SLC44A2: variants seen among roughly 807,000 people sequenced by gnomAD.
The protein encoded by SLC44A2 is choline transporter-like protein 2.
A neutral mutation model predicts 90.8 loss-of-function variants in SLC44A2; 57 were observed. That is an observed-to-expected ratio of 0.63 (90% confidence interval 0.51 to 0.78). SLC44A2 has a LOEUF of 0.78. SLC44A2 is among the 30% of genes least tolerant of loss of function. The pLI is 0.00. For synonymous variants in SLC44A2, 355 were observed against 360.7 expected (o/e 0.98, Z 0.18); for missense variants, 794 against 919.7 (o/e 0.86, Z 1.77).
intron 1 of SLC44A2, among the ~76,000 whole-genome samples, chr19:10,618,420 C>G (rs1019811716): frequency 3.3e-5 from 5 of 149,458 alleles, no homozygotes; most frequent in African/African-American, 9.9e-5. Flanking sequence ...GTGATCTCCC[C>G]GCCTTCGCCT....
chr19:10,643,622 A>C lies in SLC44A2; in HGVS notation c.*237A>C. On this transcript the variant is annotated 3_prime_UTR_variant, in exon 22 of 22. Coordinates refer to ENST00000335757, the MANE Select transcript of SLC44A2 (RefSeq NM_020428.4). ...TCCAGACTGCGAGAAACAAGTAAAA[A>C]CCCATTGGGGCCTCTTGATGTCTGG... The C allele has an allele frequency of 7.6e-6, 3 of 396,226 alleles. No individual in the cohort carries two copies. Among genetic ancestry groups the C allele is most frequent in the South Asian group, 3.3e-5 (1 of 29,910 alleles). The allele number at this position is 396,226 out of a possible 1,614,324, so 24.5% of individuals were successfully genotyped here.
At chr19:10,635,662 G>A (rs1479974422) in intron 14 of SLC44A2, 147 bp downstream of exon 14, 4 of 698,444 alleles carry the variant, frequency 5.7e-6, no homozygotes, top group South Asian at 1.9e-5. Context: ...GCACAGTGGG[G>A]AAGAGACTCT....
intron 1 of SLC44A2, among the ~76,000 whole-genome samples, chr19:10,609,803 C>CTTAT (rs1292806684): frequency 5.3e-5 from 8 of 151,734 alleles, no homozygotes; most frequent in Non-Finnish European, 1.2e-4. Context: ...TGATGTTACT[C>CTTAT]TTATTTATTT....
At chr19:10,642,006 A>C (rs2067120982) in intron 20 of SLC44A2, among the ~76,000 whole-genome samples, 1 of 151,994 alleles carries the variant, frequency 6.6e-6, no homozygotes, top group African/African-American at 2.4e-5. Flanking sequence ...CTAAAAATAC[A>C]AAAATGAGCC....
intron 1 of SLC44A2, 101 bp from the exon 2 acceptor site, chr19:10,626,152 C>T (rs2066930844): frequency 1.1e-6 from 1 of 950,280 alleles, no homozygotes. Context: ...TTATTCTTGC[C>T]AAGGCAAAGA....
chr19:10,635,092 A>G lies in SLC44A2; in HGVS notation c.1055+19A>G, dbSNP rs1318346038. 1 of 1,613,882 alleles carries G rather than the reference A, an allele frequency of 6.2e-7. No individual in the cohort carries two copies. Among genetic ancestry groups the G allele is most frequent in the Non-Finnish European group, 8.5e-7 (1 of 1,179,864 alleles). On this transcript the variant is annotated intron_variant, in intron 12 of 21. Transcript: ENST00000335757. Reference sequence around the variant, plus strand: ...CCAGCAGGTGGGGGGCCAGGGTGCCAGGGGCCAGGATGGAGCTGTCCCTAG... The same window carrying G: ...CCAGCAGGTGGGGGGCCAGGGTGCCGGGGGCCAGGATGGAGCTGTCCCTAG...
chr19:10,642,756 C>T (rs969352268), intron 21 of SLC44A2: 37 of 1,118,288 alleles, frequency 3.3e-5, no homozygotes, highest in Non-Finnish European at 4.5e-5. Context: ...CTGGTCTCTC[C>T]ATCTGTTTTT....
chr19:10,642,809 C>A, intron 21 of SLC44A2: 4 of 1,446,128 alleles, frequency 2.8e-6, no homozygotes, highest in African/African-American at 1.4e-5. Flanking sequence ...TCCATGCCTG[C>A]TGGCTTCCCT....
At chr19:10,632,653 A>T (rs569035369) in intron 10 of SLC44A2, among the ~76,000 whole-genome samples, 16 of 149,490 alleles carry the variant, frequency 1.1e-4, no homozygotes, top group African/African-American at 3.7e-4. Context: ...AAGTGCCTCA[A>T]CCTAACTGTG....
intron 10 of SLC44A2, among the ~76,000 whole-genome samples, chr19:10,632,978 A>T (rs1424727007): frequency 1.3e-5 from 2 of 151,076 alleles, no homozygotes; most frequent in East Asian, 3.9e-4. Context: ...GGACTGCTTC[A>T]ATTTATTTCT....
chr19:10,631,552 C>T lies in SLC44A2; in HGVS notation c.502+17C>T, dbSNP rs2066994639. The T allele has an allele frequency of 6.2e-7, 1 of 1,613,918 alleles. No individual in the cohort carries two copies. The highest frequency in any genetic ancestry group is 1.3e-5 in the African/African-American group (1 of 74,934). On this transcript the variant is annotated intron_variant, in intron 7 of 21. Coordinates refer to ENST00000335757, the MANE Select transcript of SLC44A2 (RefSeq NM_020428.4). ...GCAAACCCTGTGAGTCAGGGGATCC[C>T]AGGAGGCTCAGGTGGTGACGGGGAG...
chr19:10,626,242 T>C lies in SLC44A2; in HGVS notation c.38-11T>C. On this transcript the variant is annotated splice_polypyrimidine_tract_variant and intron_variant, in intron 1 of 21. Coordinates refer to ENST00000335757, the MANE Select transcript of SLC44A2 (RefSeq NM_020428.4). Reference sequence around the variant, plus strand: ...TCCAATCCCATCCATCTTAATCTTCTTGACTTTCAGGAACGCCACAGAAGT... The same window carrying C: ...TCCAATCCCATCCATCTTAATCTTCCTGACTTTCAGGAACGCCACAGAAGT... The C allele has an allele frequency of 6.2e-7, 1 of 1,611,416 alleles. No homozygotes were observed. The highest frequency in any genetic ancestry group is 1.1e-5 in the South Asian group (1 of 91,006).
At chr19:10,603,077 A>G (rs1918007630) in intron 1 of SLC44A2, among the ~76,000 whole-genome samples, 2 of 151,914 alleles carry the variant, frequency 1.3e-5, no homozygotes. Flanking sequence ...GAAACGGCGG[A>G]AAGAAGGGCG....
chr19:10,605,449 G>A (rs1228646457), intron 1 of SLC44A2, among the ~76,000 whole-genome samples: 1 of 152,142 alleles, frequency 6.6e-6, no homozygotes, highest in African/African-American at 2.4e-5. Context: ...GGGAGGCAGA[G>A]GTTGCGGTGA....
chr19:10,616,005 T>A (rs866171189), intron 1 of SLC44A2, among the ~76,000 whole-genome samples: 73 of 151,876 alleles, frequency 4.8e-4, no homozygotes, highest in African/African-American at 1.6e-3. Context: ...CTACCAAAAA[T>A]ACAAAAATTA....
At chr19:10,610,674 T>C (rs1918273381) in intron 1 of SLC44A2, among the ~76,000 whole-genome samples, 1 of 92,670 alleles carries the variant, frequency 1.1e-5, no homozygotes, top group Non-Finnish European at 2.1e-5. Flanking sequence ...AGTTTCACTC[T>C]TGTTGCCCAG....
chr19:10,626,395 G>A, intron 2 of SLC44A2, 94 bp downstream of exon 2: 1 of 986,480 alleles, frequency 1.0e-6, no homozygotes, highest in Non-Finnish European at 1.6e-6. Flanking sequence ...CAACAAACTG[G>A]TGACAAATAT....
upstream of SLC44A2, among the ~76,000 whole-genome samples, chr19:10,622,301 G>A (rs908210679): frequency 6.6e-6 from 1 of 152,142 alleles, no homozygotes; most frequent in Non-Finnish European, 1.5e-5. Context: ...TTTGTGGGCT[G>A]TGGCGAAGAG....
chr19:10,602,697 C>A, intron 1 of SLC44A2: 1 of 787,258 alleles, frequency 1.3e-6, no homozygotes, highest in Non-Finnish European at 1.7e-6. Flanking sequence ...CCGCATCCGA[C>A]ACTGCGCGGA....
Sources: gnomAD v4.1 joint callset for allele counts (sites outside exome capture counted in the v4.1 genomes callset) on GRCh38, gnomAD v4.1.1 for gene constraint, MANE v1.5 for transcripts, NCBI Gene and HGNC (gene_info 2026-07-23, HGNC 2026-07-21) for gene names.